The following KCNJ3 variants were observed in gnomAD, a reference collection of about 807,000 sequenced individuals.
The protein encoded by KCNJ3 is G protein-activated inward rectifier potassium channel 1.
Under a neutral mutation model 39.2 loss-of-function variants are expected in KCNJ3, and 4 were observed. The ratio of observed to expected loss-of-function variants is 0.10; its 90% CI spans 0.05 to 0.23. KCNJ3 has a LOEUF of 0.23. Ranked by LOEUF, KCNJ3 falls within the 10% of genes least tolerant of loss-of-function variation. The pLI is 1.00. For missense variants in KCNJ3, 276 were observed against 634.9 expected (o/e 0.43, Z 6.08); for synonymous variants, 230 against 237.4 (o/e 0.97, Z 0.29).
chr2:154,702,290 T>C (rs1260733440), intron 1 of KCNJ3, among the ~76,000 whole-genome samples: 5 of 152,010 alleles, frequency 3.3e-5, no homozygotes, highest in Admixed American at 3.3e-4. Flanking sequence ...CTAGTAACTA[T>C]AGTGCATGTA....
At chr2:154,725,272 G>T in intron 2 of KCNJ3, among the ~76,000 whole-genome samples, 1 of 146,554 alleles carries the variant, frequency 6.8e-6, no homozygotes. Flanking sequence ...CTATAGACAC[G>T]TCCTCTACTA....
intron 2 of KCNJ3, among the ~76,000 whole-genome samples, chr2:154,732,765 A>G (rs1685467469): frequency 6.6e-6 from 1 of 152,128 alleles, no homozygotes; most frequent in African/African-American, 2.4e-5. Context: ...TCAAAATCCA[A>G]TGTGTAGCTT....
At chr2:154,806,092 C>G (rs186507077) in intron 2 of KCNJ3, among the ~76,000 whole-genome samples, 32 of 152,206 alleles carry the variant, frequency 2.1e-4, no homozygotes, top group Admixed American at 1.4e-3. Context: ...GTACAATTAT[C>G]TCATTCAAAA....
At chr2:154,759,773 T>A (rs1686006956) in intron 2 of KCNJ3, among the ~76,000 whole-genome samples, 1 of 152,188 alleles carries the variant, frequency 6.6e-6, no homozygotes, top group African/African-American at 2.4e-5. Flanking sequence ...TCATTTGCAA[T>A]TTGTTTCTTT....
intron 1 of KCNJ3, among the ~76,000 whole-genome samples, chr2:154,707,138 T>A (rs962080318): frequency 2.0e-5 from 3 of 152,064 alleles, no homozygotes; most frequent in African/African-American, 7.2e-5. Context: ...TCAATACATA[T>A]GTAAAGAATT....
intron 2 of KCNJ3, among the ~76,000 whole-genome samples, chr2:154,829,360 T>C (rs1227278227): frequency 6.6e-6 from 1 of 152,186 alleles, no homozygotes; most frequent in Non-Finnish European, 1.5e-5. Flanking sequence ...CACTCCCACA[T>C]ATAAGTGAGA....
chr2:154,753,193 G>C (rs779507400), intron 2 of KCNJ3, among the ~76,000 whole-genome samples: 3 of 152,008 alleles, frequency 2.0e-5, no homozygotes, highest in African/African-American at 4.8e-5. Context: ...TAATTATAAA[G>C]TCAAAGGCCA....
chr2:154,803,154 A>G (rs774760140), intron 2 of KCNJ3, among the ~76,000 whole-genome samples: 12 of 152,076 alleles, frequency 7.9e-5, no homozygotes, highest in Non-Finnish European at 1.5e-4. Context: ...AATTTTGCAG[A>G]TTCTATCAAT....
intron 2 of KCNJ3, among the ~76,000 whole-genome samples, chr2:154,785,148 A>G (rs1302625558): frequency 1.3e-5 from 2 of 152,230 alleles, no homozygotes; most frequent in Non-Finnish European, 2.9e-5. Flanking sequence ...ATGGCTAAAT[A>G]AAATGTGTAA....
At chr2:154,800,866 A>G (rs1465646278) in intron 2 of KCNJ3, among the ~76,000 whole-genome samples, 1 of 152,220 alleles carries the variant, frequency 6.6e-6, no homozygotes, top group Non-Finnish European at 1.5e-5. Flanking sequence ...ATATAAAAGT[A>G]TAACTGGAAG....
At chr2:154,742,053 C>CA (rs1419366436) in intron 2 of KCNJ3, among the ~76,000 whole-genome samples, 1 of 151,816 alleles carries the variant, frequency 6.6e-6, no homozygotes, top group Non-Finnish European at 1.5e-5. Flanking sequence ...CAGACATGCT[C>CA]AGTCCCTGGA....
At chr2:154,846,852 T>G in intron 2 of KCNJ3, among the ~76,000 whole-genome samples, 1 of 152,184 alleles carries the variant, frequency 6.6e-6, no homozygotes, top group Non-Finnish European at 1.5e-5. Context: ...TCTAAAATTC[T>G]TATTGAAGCT....
chr2:154,774,748 T>C (rs1686303111), intron 2 of KCNJ3, among the ~76,000 whole-genome samples: 1 of 152,204 alleles, frequency 6.6e-6, no homozygotes. Context: ...TATGAAATCA[T>C]GATAAGCCCT....
chr2:154,709,323 C>T (rs1574429561), intron 1 of KCNJ3: 2 of 452,040 alleles, frequency 4.4e-6, no homozygotes, highest in East Asian at 8.5e-5. Context: ...ACAGTTTGTG[C>T]TAACAACCAT....
chr2:154,753,653 A>G (rs958805755), intron 2 of KCNJ3, among the ~76,000 whole-genome samples: 10 of 152,232 alleles, frequency 6.6e-5, no homozygotes, highest in Admixed American at 3.3e-4. Context: ...GTATTTGACA[A>G]CTCTGAAAGA....
At chr2:154,826,397 C>G (rs1386723264) in intron 2 of KCNJ3, among the ~76,000 whole-genome samples, 5 of 152,164 alleles carry the variant, frequency 3.3e-5, no homozygotes, top group African/African-American at 1.2e-4. Context: ...TAAAGAATTT[C>G]AGACCCTTAT....
chr2:154,803,589 C>G (rs1202729067), intron 2 of KCNJ3, among the ~76,000 whole-genome samples: 1 of 151,558 alleles, frequency 6.6e-6, no homozygotes, highest in Non-Finnish European at 1.5e-5. Flanking sequence ...GAAGCTTAAA[C>G]CAAATTATTG....
At chr2:154,835,472 G>A (rs1309136260) in intron 2 of KCNJ3, among the ~76,000 whole-genome samples, 1 of 100,360 alleles carries the variant, frequency 1.0e-5, no homozygotes, top group African/African-American at 3.1e-5. Context: ...TCATGAATAT[G>A]AATATATAAT....
chr2:154,839,674 C>G (rs1209312611), intron 2 of KCNJ3, among the ~76,000 whole-genome samples: 3 of 152,196 alleles, frequency 2.0e-5, no homozygotes, highest in Admixed American at 6.5e-5. Context: ...TTGCATTTCT[C>G]TGATGATCAG....
Sources: allele counts gnomAD v4.1 joint callset (sites outside exome capture counted in the v4.1 genomes callset), GRCh38; gene constraint gnomAD v4.1.1; transcripts MANE v1.5; gene names NCBI Gene and HGNC (gene_info 2026-07-23, HGNC 2026-07-21).